AFF3: variants seen among roughly 807,000 people sequenced by gnomAD.
The protein encoded by AFF3 is AF4/FMR2 family member 3.
Under a neutral mutation model 129.7 loss-of-function variants are expected in AFF3, and 32 were observed. That is an observed-to-expected ratio of 0.25 (90% CI 0.19 to 0.33). The LOEUF is 0.33. AFF3 is among the 10% of genes least tolerant of loss of function. AFF3 has a pLI of 1.00. For synonymous variants in AFF3, 644 were observed against 635.4 expected, an observed-to-expected ratio of 1.01 and a Z score of -0.20; for missense variants, 1,373 against 1,592.0, an observed-to-expected ratio of 0.86 and a Z score of 2.34.
intron 2 of AFF3, among the ~76,000 whole-genome samples, chr2:100,119,819 C>T (rs1691879123): frequency 6.6e-6 from 1 of 152,204 alleles, no homozygotes; most frequent in African/African-American, 2.4e-5. Context: ...GAATACTTGC[C>T]TGAGAAACAC....
intron 4 of AFF3, among the ~76,000 whole-genome samples, chr2:100,071,364 C>T (rs1414527874): frequency 1.3e-5 from 2 of 152,088 alleles, no homozygotes; most frequent in African/African-American, 2.4e-5. Context: ...TTCAAGTCTC[C>T]GAATTCTGAG....
intron 4 of AFF3, among the ~76,000 whole-genome samples, chr2:100,077,589 G>T (rs767457314): frequency 1.3e-5 from 2 of 152,158 alleles, no homozygotes; most frequent in Non-Finnish European, 2.9e-5. Flanking sequence ...CTAAATTTGT[G>T]GTAATTTGTT....
At position 99,752,256 on chromosome 2, in the gene AFF3, T is replaced by G. The variant is rs1681718124; in HGVS notation, c.967A>C (p.Lys323Gln). 1 of 1,614,102 alleles carries G rather than the reference T, an allele frequency of 6.2e-7. No homozygotes were observed. The highest frequency in any genetic ancestry group is 8.5e-7 in the Non-Finnish European group (1 of 1,179,970). The change falls in exon 9 of 25, where the codon AAA (lysine) becomes CAA (glutamine). Residue 323 changes from lysine (K) to glutamine (Q), a missense_variant. By Grantham distance (53) the Lys-to-Gln change is moderately conservative. This residue lies in a region of AFF3 where 413 missense variants were observed against 424.4 expected (regional missense o/e 0.97). Coordinates refer to ENST00000672756, the MANE Select transcript of AFF3 (RefSeq NM_001386135.1). Reference sequence around the variant, plus strand: ...AATGGAAATTTGGTTGGTTCCACTTTGCCAGGTGCTTGAATAGCAGAAAGT... The same window carrying G: ...AATGGAAATTTGGTTGGTTCCACTTGGCCAGGTGCTTGAATAGCAGAAAGT... ...PPLSAIQAPG[K>Q]VEPTKFPFPN... is the part of the protein sequence containing the mutation.
chr2:99,631,108 C>A (rs974642946), intron 13 of AFF3: 1 of 317,024 alleles, frequency 3.2e-6, no homozygotes, highest in Non-Finnish European at 6.7e-6. Flanking sequence ...CCTGGGAGTG[C>A]CTGGACGTGT....
chr2:99,849,190 C>T (rs971510845), intron 7 of AFF3, among the ~76,000 whole-genome samples: 5 of 151,890 alleles, frequency 3.3e-5, no homozygotes, highest in Non-Finnish European at 2.9e-5. Context: ...GAGGACTCAC[C>T]CCAGTTAGAT....
chr2:100,046,905 GA>G (rs1161764814), intron 4 of AFF3, among the ~76,000 whole-genome samples: 1 of 151,252 alleles, frequency 6.6e-6, no homozygotes, highest in Non-Finnish European at 1.5e-5. Flanking sequence ...CAGTGGATTT[GA>G]AACTATTTCA....
intron 8 of AFF3, among the ~76,000 whole-genome samples, chr2:99,814,754 C>A (rs983179974): frequency 1.3e-5 from 2 of 150,106 alleles, no homozygotes; most frequent in African/African-American, 2.5e-5. Context: ...CCCTCCACCC[C>A]TCCCAGGATT....
At chr2:99,779,902 T>G (rs1012084558) in intron 8 of AFF3, among the ~76,000 whole-genome samples, 23 of 152,222 alleles carry the variant, frequency 1.5e-4, no homozygotes, top group African/African-American at 5.3e-4. Flanking sequence ...GTCTTCTCAT[T>G]TGTGGTCTAA....
At chr2:99,690,262 G>A in intron 11 of AFF3, among the ~76,000 whole-genome samples, 1 of 149,050 alleles carries the variant, frequency 6.7e-6, no homozygotes, top group Non-Finnish European at 1.5e-5. Context: ...CTCACTGCAA[G>A]CTCCGCCTCC....
At chr2:99,856,857 T>C (rs991739133) in intron 7 of AFF3, among the ~76,000 whole-genome samples, 5 of 152,128 alleles carry the variant, frequency 3.3e-5, no homozygotes, top group African/African-American at 1.2e-4. Context: ...TTGGAGACAG[T>C]TTGGAAGAAA....
At chr2:100,040,895 T>C (rs1685372974) in intron 4 of AFF3, among the ~76,000 whole-genome samples, 1 of 152,170 alleles carries the variant, frequency 6.6e-6, no homozygotes, top group Admixed American at 6.5e-5. Context: ...ATCATCCAGG[T>C]GGGTCAGGTG....
At chr2:99,707,345 T>C (rs1677496557) in intron 11 of AFF3, 3 of 985,014 alleles carry the variant, frequency 3.0e-6, no homozygotes, top group African/African-American at 3.5e-5. Context: ...TCAGTTAATA[T>C]TTTTAAATTA....
intron 12 of AFF3, among the ~76,000 whole-genome samples, chr2:99,652,389 G>C (rs994147964): frequency 1.1e-4 from 17 of 152,114 alleles, no homozygotes; most frequent in African/African-American, 4.1e-4. Flanking sequence ...GGATACTAAA[G>C]CCCTTCAAAG....
chr2:99,672,614 A>G, intron 11 of AFF3, 25 bp from the exon 12 acceptor site: 1 of 1,611,200 alleles, frequency 6.2e-7, no homozygotes. Context: ...AAAGAGGTAC[A>G]AAGAGGTACA....
At chr2:100,105,710 G>A (rs1383810023) in intron 2 of AFF3, 127 bp from the exon 3 acceptor site, 2 of 1,360,070 alleles carry the variant, frequency 1.5e-6, no homozygotes, top group Non-Finnish European at 2.0e-6. Context: ...CTCCATCAGG[G>A]CCCTACCTCT....
intron 7 of AFF3, among the ~76,000 whole-genome samples, chr2:99,916,500 G>T (rs753649620): frequency 2.6e-5 from 4 of 152,154 alleles, no homozygotes; most frequent in Non-Finnish European, 5.9e-5. Context: ...ATACGGTGAA[G>T]AATTGAACTT....
intron 11 of AFF3, among the ~76,000 whole-genome samples, chr2:99,713,278 T>C (rs987736477): frequency 4.6e-5 from 7 of 151,412 alleles, no homozygotes; most frequent in Admixed American, 2.0e-4. Flanking sequence ...ATTTTTTTTT[T>C]TTTTTTTTTG....
chr2:99,934,708 A>C (rs1674366527), intron 7 of AFF3, among the ~76,000 whole-genome samples: 1 of 152,200 alleles, frequency 6.6e-6, no homozygotes, highest in African/African-American at 2.4e-5. Context: ...ACCCTTGCTC[A>C]GCCCCTCACT....
intron 1 of AFF3, among the ~76,000 whole-genome samples, chr2:100,141,418 C>T (rs902603397): frequency 2.6e-5 from 4 of 152,090 alleles, no homozygotes; most frequent in Non-Finnish European, 5.9e-5. Flanking sequence ...ATGGGATAGC[C>T]CTAGGTAAAG....
Sources: allele counts gnomAD v4.1 joint callset (sites outside exome capture counted in the v4.1 genomes callset), GRCh38; gene constraint gnomAD v4.1.1; regional missense constraint gnomAD v4.1.1; transcripts MANE v1.5; gene names NCBI Gene and HGNC (gene_info 2026-07-23, HGNC 2026-07-21).